Variants in TRIM50 observed in about 807,000 individuals in gnomAD.
TRIM50 encodes the protein E3 ubiquitin-protein ligase TRIM50.
A neutral mutation model predicts 44.9 loss-of-function variants in TRIM50; 34 were observed. The ratio of observed to expected loss-of-function variants is 0.76; its 90% CI spans 0.58 to 1.01. The LOEUF is 1.01. Ranked by LOEUF, TRIM50 falls within the 50% of genes least tolerant of loss-of-function variation. The pLI, the probability that TRIM50 is intolerant of heterozygous loss-of-function variation, is 0.00. For missense variants in TRIM50, 633 were observed against 663.7 expected (o/e 0.95, Z 0.51); for synonymous variants, 307 against 291.1 (o/e 1.05, Z -0.56).
intron 6 of TRIM50, among the ~76,000 whole-genome samples, chr7:73,315,483 C>T (rs1290242253): frequency 6.6e-6 from 1 of 151,896 alleles, no homozygotes; most frequent in Non-Finnish European, 1.5e-5. Context: ...CCTCAGCCTC[C>T]TCAGTAGCTG....
At chr7:73,316,028 A>G (rs1200970669) in intron 6 of TRIM50, among the ~76,000 whole-genome samples, 1 of 151,782 alleles carries the variant, frequency 6.6e-6, no homozygotes, top group Non-Finnish European at 1.5e-5. Context: ...TTACAGGCGC[A>G]CACTACCACG....
In TRIM50 at chr7:73,324,816, G is replaced by A. The variant is rs782617937; in HGVS notation, c.-18-11C>T. On this transcript the variant is annotated splice_polypyrimidine_tract_variant and intron_variant, in intron 1 of 6. Transcript: ENST00000333149. ...CACTCACTGCCCGGGCTGAAACACA[G>A]GCATCCGACCTCAGTCCTGTCCCCT... 6.2e-7 allele frequency: 1 copy of A among 1,612,754 alleles called. No homozygotes were observed. The highest frequency in any genetic ancestry group is 8.5e-7 in the Non-Finnish European group (1 of 1,179,910).
chr7:73,313,245 G>C lies in TRIM50; in HGVS notation c.1140C>G (p.Pro380=), dbSNP rs782737177. 1.3e-6 allele frequency: 2 copies of C among 1,597,490 alleles called. No homozygotes were observed. The highest frequency in any genetic ancestry group is 2.3e-5 in the South Asian group (2 of 88,398). Reference sequence around the variant, plus strand: ...GGCCGATCAGCCACACGCCGTGCTCGGGGGACCTGTTCAGCTTGCCCTTAC... The same window carrying C: ...GGCCGATCAGCCACACGCCGTGCTCCGGGGACCTGTTCAGCTTGCCCTTAC... ...ASRKGKLNRS[P]EHGVWLIGLK... The change falls in exon 7 of 7, where the codon CCC becomes CCG. Residue 380 remains proline (P), a synonymous_variant. Transcript: ENST00000333149. This position sits in a 1 kb window ranked among gnomAD's most constrained non-coding sequence, Gnocchi z 4.9.
intron 3 of TRIM50, 115 bp from the exon 4 acceptor site, chr7:73,319,167 T>G: frequency 1.3e-6 from 2 of 1,536,020 alleles, no homozygotes; most frequent in Non-Finnish European, 8.8e-7. Flanking sequence ...GACCTGAGTC[T>G]CAGGGGAGGC....
intron 2 of TRIM50, among the ~76,000 whole-genome samples, chr7:73,324,081 A>AGGAAGAG (rs370133259): frequency 0.012 from 1,771 of 151,848 alleles, 39 homozygotes; most frequent in African/African-American, 0.039. Flanking sequence ...GGAGAGGGAG[A>AGGAAGAG]GGAAGAGGGA....
At chr7:73,324,325 C>G (rs1487687507) in intron 2 of TRIM50, 64 bp downstream of exon 2, 3 of 1,611,042 alleles carry the variant, frequency 1.9e-6, no homozygotes, top group Non-Finnish European at 2.5e-6. Flanking sequence ...GGTGATGGCA[C>G]CAGAGAGCAC....
rs1157182432 is a variant in TRIM50 at position 73,316,708 on chromosome 7, A to G, written c.750-19T>C. On this transcript the variant is annotated intron_variant, in intron 5 of 6. Coordinates refer to ENST00000333149, the MANE Select transcript of TRIM50 (RefSeq NM_178125.3). ...CTCTGCTCTGCAGGTGACAGTTCACAGTACAAGAGAGTGAGGTATCACGTG... is the reference window on the plus strand; with the variant it reads ...CTCTGCTCTGCAGGTGACAGTTCACGGTACAAGAGAGTGAGGTATCACGTG... 3 of 1,610,642 alleles carry G rather than the reference A, an allele frequency of 1.9e-6. No individual in the cohort carries two copies. Among genetic ancestry groups the G allele is most frequent in the Non-Finnish European group, 2.5e-6 (3 of 1,178,416 alleles).
chr7:73,326,981 G>C (rs1363968388), intron 1 of TRIM50, among the ~76,000 whole-genome samples: 1 of 152,236 alleles, frequency 6.6e-6, no homozygotes, highest in African/African-American at 2.4e-5. Flanking sequence ...AGTAGAGATG[G>C]GGTTTCATCA....
At chr7:73,322,205 C>T (rs1300850587) in intron 2 of TRIM50, among the ~76,000 whole-genome samples, 2 of 152,060 alleles carry the variant, frequency 1.3e-5, no homozygotes, top group Non-Finnish European at 2.9e-5. Context: ...AAAAATTAGC[C>T]GGGCATGGTG....
At position 73,312,918 on chromosome 7, in the gene TRIM50, G is replaced by A. The variant is rs1554543163; in HGVS notation, c.*3C>T. 6.5e-7 allele frequency: 1 copy of A among 1,532,910 alleles called. No individual in the cohort carries two copies. Among genetic ancestry groups the A allele is most frequent in the Admixed American group, 2.1e-5 (1 of 48,452 alleles). The allele number at this position is 1,532,910 out of a possible 1,614,324, so 95.0% of individuals were successfully genotyped here. On this transcript the variant is annotated 3_prime_UTR_variant, in exon 7 of 7. Transcript: ENST00000333149. ...CTGTGGGCCGGCAGGACTCCGGGCG[G>A]CCCTACAGCTTGGTGGGCTGCTCGG...
chr7:73,325,456 T>C (rs1279748743), intron 1 of TRIM50: 1 of 154,592 alleles, frequency 6.5e-6, no homozygotes, highest in African/African-American at 2.4e-5. Context: ...GAGCCCGACA[T>C]TGGAATACCT....
chr7:73,320,245 G>A lies in TRIM50; in HGVS notation c.400-3C>T, dbSNP rs782246226. The A allele has an allele frequency of 5.6e-6, 9 of 1,613,994 alleles. No homozygotes were observed. The South Asian group carries it at 9.9e-5, about 18-fold the overall frequency. Reference sequence around the variant, plus strand: ...GAGATGAGGGCTGCGAGCTCCTCCTGGAGGCAACAGGCCATGGCCCCATGA... The same window carrying A: ...GAGATGAGGGCTGCGAGCTCCTCCTAGAGGCAACAGGCCATGGCCCCATGA... On this transcript the variant is annotated splice_polypyrimidine_tract_variant and splice_region_variant and intron_variant, in intron 2 of 6. Coordinates refer to ENST00000333149, the MANE Select transcript of TRIM50 (RefSeq NM_178125.3).
chr7:73,313,500 A>G lies in TRIM50; in HGVS notation c.885T>C (p.Pro295=), dbSNP rs781848500. The change falls in exon 7 of 7, where the codon CCT becomes CCC. Residue 295 remains proline, a synonymous_variant. Coordinates refer to ENST00000333149, the MANE Select transcript of TRIM50 (RefSeq NM_178125.3). This position sits in a 1 kb window ranked among gnomAD's most constrained non-coding sequence, Gnocchi z 4.9. ...LFRKVLPAPE[P]LKLDPATAHP... ...GGGCAGTGGCAGGGTCCAACTTGAG[A>G]GGCTCCGGGGCTGGGAGGGAGATCA... The G allele has an allele frequency of 5.3e-6, 8 of 1,510,544 alleles. No homozygotes were observed. The highest frequency in any genetic ancestry group is 7.1e-6 in the Non-Finnish European group (8 of 1,130,478). 93.6% of individuals were successfully genotyped at this position (1,510,544 alleles called of 1,614,324 possible). A position where few individuals can be genotyped will look rare whatever the true frequency, so the allele number is the denominator to read the frequency against.
At chr7:73,324,275 C>T (rs1804560847) in intron 2 of TRIM50, 114 bp downstream of exon 2, 1 of 1,560,364 alleles carries the variant, frequency 6.4e-7, no homozygotes, top group African/African-American at 1.4e-5. Flanking sequence ...CAGGGCACAG[C>T]TGCAGGGAAA....
chr7:73,314,076 GC>G, intron 6 of TRIM50: 1 of 301,378 alleles, frequency 3.3e-6, no homozygotes, highest in South Asian at 3.8e-5. Flanking sequence ...GCTCCCCCCT[GC>G]CCGCCTCCCA....
chr7:73,318,758 G>A, intron 4 of TRIM50, 49 bp from the exon 5 acceptor site: 1 of 1,613,996 alleles, frequency 6.2e-7, no homozygotes, highest in Non-Finnish European at 8.5e-7. Context: ...GGGAAGCTAG[G>A]GCACTGTTGG....
At chr7:73,327,171 C>G (rs1451546271) in intron 1 of TRIM50, among the ~76,000 whole-genome samples, 2 of 151,916 alleles carry the variant, frequency 1.3e-5, no homozygotes, top group African/African-American at 4.8e-5. Flanking sequence ...GTGTTGGAAA[C>G]TTAACCCCCA....
Position 73,324,638 on chromosome 7 carries a change from C to A in TRIM50, c.150G>T (p.Glu50Asp). 6.2e-7 allele frequency: 1 copy of A among 1,614,234 alleles called. No homozygotes were observed. The highest frequency in any genetic ancestry group is 8.5e-7 in the Non-Finnish European group (1 of 1,180,042). The part of the protein sequence containing the change: ...LVSLSCHLDA[E>D]LRCPVCRQAV... ...CCTGCCGGCACACGGGGCAGCGCAG[C>A]TCGGCATCCAGGTGGCAGGACAGGG... Residue 50 changes from glutamate to aspartate, a missense_variant, in exon 2 of 7, where the codon GAG becomes GAT. Coordinates refer to ENST00000333149, the MANE Select transcript of TRIM50 (RefSeq NM_178125.3).
chr7:73,323,314 C>A (rs1203492059), intron 2 of TRIM50, among the ~76,000 whole-genome samples: 1 of 151,994 alleles, frequency 6.6e-6, no homozygotes, highest in Non-Finnish European at 1.5e-5. Flanking sequence ...ATCTCACCCC[C>A]ACCGATGTTC....
Sources: gnomAD v4.1 joint callset for allele counts (sites outside exome capture counted in the v4.1 genomes callset) on GRCh38, gnomAD v4.1.1 for gene constraint, Gnocchi (gnomAD v3.1) non-coding constraint, MANE v1.5 for transcripts, NCBI Gene and HGNC (gene_info 2026-07-23, HGNC 2026-07-21) for gene names.